PTPN1: variants seen among roughly 807,000 people sequenced by gnomAD.
PTPN1 encodes the protein protein tyrosine phosphatase non-receptor type 1, also known as tyrosine-protein phosphatase non-receptor type 1.
In PTPN1, 12 loss-of-function variants were observed where a neutral mutation model predicts 59.9. The ratio of observed to expected loss-of-function variants is 0.20; its 90% confidence interval spans 0.13 to 0.32. The LOEUF (loss-of-function observed/expected upper bound fraction) is 0.32. PTPN1 is among the 10% of genes least tolerant of loss of function. The pLI is 1.00. For synonymous variants in PTPN1, 178 were observed against 203.6 expected (o/e 0.87, Z 1.07); for missense variants, 356 against 549.2 (o/e 0.65, Z 3.52).
chr20:50,541,533 A>C (rs2082652354), intron 1 of PTPN1, among the ~76,000 whole-genome samples: 1 of 151,480 alleles, frequency 6.6e-6, no homozygotes, highest in South Asian at 2.1e-4. Flanking sequence ...GATGTTTAAC[A>C]GTTGTACATG....
rs1006594059 is a variant in PTPN1, at chr20:50,584,089, C to T, written c.*1374C>T. The T allele has an allele frequency of 6.6e-6, 1 of 152,666 alleles. No homozygotes were observed. The highest frequency in any genetic ancestry group is 6.5e-5 in the Admixed American group (1 of 15,284). The allele number at this position is 152,666 out of a possible 1,614,324, so 9.5% of individuals were successfully genotyped here. On this transcript the variant is annotated 3_prime_UTR_variant, in exon 10 of 10. Transcript: ENST00000371621. Reference sequence around the variant, plus strand: ...CTGATGGTGCTCACGACTCTTCCTGCAAAGGGAACTGAAGACCTCCACATT... The same window carrying T: ...CTGATGGTGCTCACGACTCTTCCTGTAAAGGGAACTGAAGACCTCCACATT...
chr20:50,570,265 A>C (rs1397079029), intron 4 of PTPN1, among the ~76,000 whole-genome samples: 1 of 152,204 alleles, frequency 6.6e-6, no homozygotes, highest in Non-Finnish European at 1.5e-5. Context: ...TCTTCCTCTT[A>C]GGACAGCGCG....
intron 1 of PTPN1, among the ~76,000 whole-genome samples, chr20:50,541,189 C>T (rs1343980276): frequency 6.6e-6 from 1 of 152,156 alleles, no homozygotes; most frequent in East Asian, 1.9e-4. Flanking sequence ...CCCCATGAGC[C>T]TTCTGTTAAG....
chr20:50,521,028 T>C (rs539208773), intron 1 of PTPN1, among the ~76,000 whole-genome samples: 3 of 152,348 alleles, frequency 2.0e-5, no homozygotes, highest in East Asian at 3.9e-4. Flanking sequence ...ATTATATGGC[T>C]GTGCCTGATC....
chr20:50,517,266 T>G (rs1028162793), intron 1 of PTPN1, among the ~76,000 whole-genome samples: 1 of 152,116 alleles, frequency 6.6e-6, no homozygotes, highest in Non-Finnish European at 1.5e-5. Context: ...TTTTTAATAT[T>G]TTTTTTGAGA....
At chr20:50,523,657 C>T (rs546391742) in intron 1 of PTPN1, among the ~76,000 whole-genome samples, 92 of 152,288 alleles carry the variant, frequency 6.0e-4, no homozygotes, top group Admixed American at 5.8e-3. Flanking sequence ...CAAACTTGGT[C>T]CCTGCCCTTA....
intron 4 of PTPN1, chr20:50,573,908 G>A (rs1352754807): frequency 6.6e-6 from 1 of 152,212 alleles, no homozygotes; most frequent in Non-Finnish European, 1.5e-5. Context: ...ATCAGATAGT[G>A]TCTGAGATTA....
intron 1 of PTPN1, among the ~76,000 whole-genome samples, chr20:50,528,736 T>TAA (rs766874557): frequency 1.1e-4 from 13 of 115,382 alleles, no homozygotes; most frequent in South Asian, 2.8e-4. Flanking sequence ...GACTCCATCT[T>TAA]AAAAAAAAAA....
intron 8 of PTPN1, 105 bp downstream of exon 8, chr20:50,580,031 A>G: frequency 9.4e-7 from 1 of 1,064,836 alleles, no homozygotes; most frequent in Non-Finnish European, 1.4e-6. Flanking sequence ...CCTGTTGGCA[A>G]GCAGCGCTTC....
At chr20:50,549,607 GTCTTTCA>G (rs2082693366) in intron 1 of PTPN1, among the ~76,000 whole-genome samples, 1 of 151,990 alleles carries the variant, frequency 6.6e-6, no homozygotes, top group South Asian at 2.1e-4. Flanking sequence ...CTCAACCCCT[GTCTTTCA>G]TTCAACTATC....
At chr20:50,515,686 T>G (rs2082526097) in intron 1 of PTPN1, among the ~76,000 whole-genome samples, 1 of 152,210 alleles carries the variant, frequency 6.6e-6, no homozygotes, top group Non-Finnish European at 1.5e-5. Context: ...TGAAGTCCTC[T>G]GCTCCTGGCA....
chr20:50,535,151 C>T (rs2082618957), intron 1 of PTPN1, among the ~76,000 whole-genome samples: 1 of 152,234 alleles, frequency 6.6e-6, no homozygotes, highest in African/African-American at 2.4e-5. Context: ...TCCTTCCTTT[C>T]TGCTGTATCT....
rs1473723756 is a variant in PTPN1 at position 50,584,642 on chromosome 20, T to A, written c.*1927T>A. 2 of 149,380 alleles carry A rather than the reference T, an allele frequency of 1.3e-5. No individual in the cohort carries two copies. Among genetic ancestry groups the A allele is most frequent in the African/African-American group, 4.9e-5 (2 of 40,694 alleles). 9.3% of individuals were successfully genotyped at this position (149,380 alleles called of 1,614,324 possible). A position where few individuals can be genotyped will look rare whatever the true frequency, so the allele number is the denominator to read the frequency against. ...GCATGACCGGGTGGGTGGGGGGGAG[T>A]GTCTCAGGGTCTTCTGTGACCTCAC... On this transcript the variant is annotated 3_prime_UTR_variant, in exon 10 of 10. Coordinates refer to ENST00000371621, the MANE Select transcript of PTPN1 (RefSeq NM_002827.4).
At chr20:50,571,946 AG>A (rs796373101) in intron 4 of PTPN1, 5 of 152,338 alleles carry the variant, frequency 3.3e-5, no homozygotes, top group African/African-American at 1.2e-4. Flanking sequence ...TTTGTATCAC[AG>A]GGTCCATATA....
In PTPN1 at chr20:50,520,763, G is replaced by A. The variant is rs565040835; in HGVS notation, c.63+10173G>A. On this transcript the variant is annotated intron_variant, in intron 1 of 9. Transcript: ENST00000371621. ...TGCACTCACAGGAGGGGACATGTGA[G>A]GTCATGGAAGAAGACGACTCAGGAA... 4.6e-5 allele frequency among the ~76,000 whole-genome samples: 7 copies of A among 152,318 alleles called. No homozygotes were observed. In the East Asian group the frequency reaches 1.4e-3, roughly 29 times the overall value.
At chr20:50,569,767 G>A (rs149166946) in intron 4 of PTPN1, among the ~76,000 whole-genome samples, 12 of 152,218 alleles carry the variant, frequency 7.9e-5, no homozygotes, top group East Asian at 5.8e-4. Flanking sequence ...TCTGTAGACC[G>A]TCCTGTGTAG....
At chr20:50,556,450 A>G (rs2082726369) in intron 1 of PTPN1, among the ~76,000 whole-genome samples, 2 of 152,108 alleles carry the variant, frequency 1.3e-5, no homozygotes, top group African/African-American at 4.8e-5. Flanking sequence ...CTCGGCTCCC[A>G]AAGTGCTGGG....
intron 4 of PTPN1, among the ~76,000 whole-genome samples, chr20:50,570,334 T>G (rs1038862036): frequency 6.6e-6 from 1 of 152,142 alleles, no homozygotes; most frequent in African/African-American, 2.4e-5. Flanking sequence ...TTTTGGGGGT[T>G]TTTTACCCTT....
At chr20:50,533,091 A>G (rs900027858) in intron 1 of PTPN1, among the ~76,000 whole-genome samples, 1 of 148,938 alleles carries the variant, frequency 6.7e-6, no homozygotes, top group Non-Finnish European at 1.5e-5. Context: ...ATCCTATCAG[A>G]CTCTCCTGAT....
Sources: allele counts gnomAD v4.1 joint callset (sites outside exome capture counted in the v4.1 genomes callset), GRCh38; gene constraint gnomAD v4.1.1; transcripts MANE v1.5; gene names NCBI Gene and HGNC (gene_info 2026-07-23, HGNC 2026-07-21).